Variants in OR2C1 observed in about 807,000 individuals in gnomAD.
The protein encoded by OR2C1 is olfactory receptor family 2 subfamily C member 1.
For synonymous variants in OR2C1, 209 were observed against 167.3 expected (o/e 1.25, Z -1.92); for missense variants, 468 against 388.3 (o/e 1.21, Z -1.73).
At chr16:3,357,400 G>C (rs1288966175), downstream of OR2C1, 3 of 156,080 alleles carry the variant, frequency 1.9e-5, no homozygotes, top group Non-Finnish European at 4.3e-5. Context: ...AAGAGTTGGA[G>C]TCTTGCTCTG....
the OR2C1 span, among the ~76,000 whole-genome samples, chr16:3,333,681 C>G: frequency 6.6e-6 from 1 of 152,076 alleles, no homozygotes; most frequent in Non-Finnish European, 1.5e-5. Context: ...TTTATTGTTT[C>G]CTTTGATGTA....
chr16:3,331,003 A>G, the OR2C1 span, among the ~76,000 whole-genome samples: 2 of 152,146 alleles, frequency 1.3e-5, no homozygotes, highest in Non-Finnish European at 2.9e-5. Context: ...AGTCCCACCA[A>G]TAGTGTAAAA....
At chr16:3,323,034 C>T in the OR2C1 span, 1 of 601,318 alleles carries the variant, frequency 1.7e-6, no homozygotes, top group Non-Finnish European at 2.1e-6. Flanking sequence ...TGAACCTAAG[C>T]TACTGTCTTT....
At chr16:3,325,163 G>A in the OR2C1 span, among the ~76,000 whole-genome samples, 1 of 151,776 alleles carries the variant, frequency 6.6e-6, no homozygotes, top group Non-Finnish European at 1.5e-5. Context: ...TTTATTTTTA[G>A]TAGAGATGGG....
At chr16:3,336,731 A>T in the OR2C1 span, among the ~76,000 whole-genome samples, 4 of 73,886 alleles carry the variant, frequency 5.4e-5, no homozygotes, top group South Asian at 5.0e-4. Context: ...TTTTTGAGAC[A>T]GAGTTTCGCT....
the OR2C1 span, among the ~76,000 whole-genome samples, chr16:3,349,282 T>C: frequency 5.3e-5 from 8 of 152,200 alleles, no homozygotes; most frequent in African/African-American, 1.9e-4. Flanking sequence ...GGTGACAGAC[T>C]GAGTCGGTTC....
chr16:3,351,742 G>A (rs964341979), upstream of OR2C1, among the ~76,000 whole-genome samples: 1 of 152,086 alleles, frequency 6.6e-6, no homozygotes. Flanking sequence ...TTCTCTCTGG[G>A]ACACCCATTG....
At chr16:3,335,816 G>A in the OR2C1 span, among the ~76,000 whole-genome samples, 1 of 152,026 alleles carries the variant, frequency 6.6e-6, no homozygotes, top group African/African-American at 2.4e-5. Flanking sequence ...AAATTTTTTT[G>A]TGGAGTCTTT....
chr16:3,329,133 C>T, the OR2C1 span, among the ~76,000 whole-genome samples: 1 of 145,076 alleles, frequency 6.9e-6, no homozygotes. Flanking sequence ...GAAAGAGGAA[C>T]ACCTCTAGAA....
chr16:3,333,347 G>T, the OR2C1 span, among the ~76,000 whole-genome samples: 28 of 150,144 alleles, frequency 1.9e-4, no homozygotes, highest in African/African-American at 6.9e-4. Context: ...TTTTAGTTTA[G>T]TTTATTTGAG....
the OR2C1 span, among the ~76,000 whole-genome samples, chr16:3,326,218 C>T: frequency 3.9e-5 from 6 of 152,054 alleles, no homozygotes; most frequent in South Asian, 2.1e-4. Flanking sequence ...CGTGAGCCAC[C>T]GTGCCTGGCT....
At chr16:3,355,856 C>T, upstream of OR2C1, 1 of 941,572 alleles carries the variant, frequency 1.1e-6, no homozygotes, top group Non-Finnish European at 1.6e-6. Context: ...TGATGCAAAT[C>T]CACCTCATCC....
the OR2C1 span, chr16:3,324,003 A>G: frequency 2.1e-6 from 1 of 468,056 alleles, no homozygotes; most frequent in South Asian, 3.9e-5. Flanking sequence ...TAATTTTCAC[A>G]CTAAGCATTT....
At chr16:3,339,163 G>A in the OR2C1 span, among the ~76,000 whole-genome samples, 1 of 151,920 alleles carries the variant, frequency 6.6e-6, no homozygotes, top group African/African-American at 2.4e-5. Flanking sequence ...TTTCAGGCTC[G>A]TCTACATTGT....
At chr16:3,333,211 ATTTTTTTTTTTTT>A in the OR2C1 span, among the ~76,000 whole-genome samples, 2 of 65,804 alleles carry the variant, frequency 3.0e-5, no homozygotes, top group South Asian at 5.0e-4. Flanking sequence ...TCTTTTGCCC[ATTTTTTTTTTTTT>A]TTTTTTTTTT....
At chr16:3,344,666 G>T in the OR2C1 span, among the ~76,000 whole-genome samples, 1 of 151,754 alleles carries the variant, frequency 6.6e-6, no homozygotes, top group Admixed American at 6.6e-5. Flanking sequence ...GGCAGAGGTT[G>T]CAGTGAGCCG....
At chr16:3,342,703 C>T in the OR2C1 span, among the ~76,000 whole-genome samples, 1 of 152,088 alleles carries the variant, frequency 6.6e-6, no homozygotes, top group African/African-American at 2.4e-5. Flanking sequence ...CATGGTGAAA[C>T]CCTGTCTCTA....
chr16:3,343,832 A>G, the OR2C1 span, among the ~76,000 whole-genome samples: 1 of 152,236 alleles, frequency 6.6e-6, no homozygotes, highest in Non-Finnish European at 1.5e-5. Flanking sequence ...AATATTAAGG[A>G]TTTCTGTTCA....
At chr16:3,333,478 G>T in the OR2C1 span, among the ~76,000 whole-genome samples, 1 of 151,954 alleles carries the variant, frequency 6.6e-6, no homozygotes, top group South Asian at 2.1e-4. Context: ...TGGTACTACA[G>T]GCACCCACTA....
Sources: gnomAD v4.1 joint callset for allele counts (sites outside exome capture counted in the v4.1 genomes callset) on GRCh38, gnomAD v4.1.1 for gene constraint, MANE v1.5 for transcripts, NCBI Gene and HGNC (gene_info 2026-07-23, HGNC 2026-07-21) for gene names.